Variants in SGO2 observed in about 807,000 individuals in gnomAD.
SGO2 encodes the protein shugoshin-like 2.
Under a neutral mutation model 99.5 loss-of-function variants are expected in SGO2, and 68 were observed. The observed-to-expected ratio is 0.68, with a 90% CI of 0.56 to 0.84. The LOEUF (loss-of-function observed/expected upper bound fraction) is 0.84, where lower values mean the gene tolerates loss of function less well. Ranked by LOEUF, SGO2 falls within the 40% of genes least tolerant of loss-of-function variation. The probability of loss-of-function intolerance (pLI) is 0.00; values close to 1 mark genes in which losing one functional copy is unlikely to be tolerated. For synonymous variants in SGO2, 457 were observed against 487.1 expected (o/e 0.94, Z 0.81); for missense variants, 1,350 against 1,436.7 (o/e 0.94, Z 0.97).
At chr2:200,542,463 G>T (rs1178977392) in intron 4 of SGO2, 116 bp from the exon 5 acceptor site, 3 of 647,334 alleles carry the variant, frequency 4.6e-6, no homozygotes, top group Non-Finnish European at 7.6e-6. Flanking sequence ...ATTATTAAAG[G>T]TAAATGCAAA....
At chr2:200,555,611 A>G (rs1180025509) in intron 5 of SGO2, among the ~76,000 whole-genome samples, 1 of 152,192 alleles carries the variant, frequency 6.6e-6, no homozygotes, top group Non-Finnish European at 1.5e-5. Context: ...GGAGGTAAGG[A>G]CATTTCCATA....
intron 5 of SGO2, among the ~76,000 whole-genome samples, chr2:200,545,319 ATCTTCTAC>A (rs2032163299): frequency 6.6e-6 from 1 of 152,120 alleles, no homozygotes; most frequent in South Asian, 2.1e-4. Context: ...TTCTTCGTGT[ATCTTCTAC>A]TCTGTGGCTT....
intron 5 of SGO2, among the ~76,000 whole-genome samples, chr2:200,555,705 C>T (rs576510589): frequency 8.7e-4 from 133 of 152,192 alleles, no homozygotes; most frequent in African/African-American, 3.1e-3. Context: ...ATTAGCTATC[C>T]CCAGAAGCAT....
chr2:200,559,262 T>G (rs754821825), intron 5 of SGO2, among the ~76,000 whole-genome samples: 59 of 152,214 alleles, frequency 3.9e-4, no homozygotes, highest in Non-Finnish European at 7.3e-4. Context: ...TAATGTGTTT[T>G]GGGTATGTAG....
Position 200,535,017 on chromosome 2 carries a change from T to C in SGO2, c.155T>C (p.Ile52Thr). 6.5e-7 allele frequency: 1 copy of C among 1,530,668 alleles called. No homozygotes were observed. Among genetic ancestry groups the C allele is most frequent in the Non-Finnish European group, 8.7e-7 (1 of 1,151,658 alleles). 94.8% of individuals were successfully genotyped at this position (1,530,668 alleles called of 1,614,324 possible). Reference protein sequence around the residue: ...KILNNSSIFKISLKHNNRALA... With the variant: ...KILNNSSIFKTSLKHNNRALA... Reference sequence around the variant, plus strand: ...ACAGATAATTCTTCTATTTTCAAAATATCTTTAAAGCACAACAACAGGGCA... The same window carrying C: ...ACAGATAATTCTTCTATTTTCAAAACATCTTTAAAGCACAACAACAGGGCA... The change falls in exon 3 of 9, where the codon ATA becomes ACA. Residue 52 changes from isoleucine (I) to threonine (T), a missense_variant. Physicochemically the swap from Ile to Thr is moderately conservative, Grantham distance 89 (BLOSUM62 -1). Coordinates refer to ENST00000357799, the MANE Select transcript of SGO2 (RefSeq NM_152524.6).
At chr2:200,569,406 C>T (rs1255862702) in intron 5 of SGO2, among the ~76,000 whole-genome samples, 1 of 152,018 alleles carries the variant, frequency 6.6e-6, no homozygotes, top group Non-Finnish European at 1.5e-5. Flanking sequence ...CTTCTAATAG[C>T]ACAAGAAGTA....
intron 1 of SGO2, among the ~76,000 whole-genome samples, chr2:200,530,998 G>C (rs1164427725): frequency 6.6e-6 from 1 of 152,176 alleles, no homozygotes; most frequent in Non-Finnish European, 1.5e-5. Context: ...AACAAAAGAG[G>C]GTTCTTTAAG....
chr2:200,546,063 C>T (rs1317428139), intron 5 of SGO2, among the ~76,000 whole-genome samples: 1 of 152,048 alleles, frequency 6.6e-6, no homozygotes, highest in East Asian at 1.9e-4. Context: ...CCTTTGGGAC[C>T]TCCCCCATTT....
intron 5 of SGO2, among the ~76,000 whole-genome samples, chr2:200,545,843 T>C (rs2032186922): frequency 6.6e-6 from 1 of 152,156 alleles, no homozygotes; most frequent in Non-Finnish European, 1.5e-5. Context: ...CCTTAACTGA[T>C]GGGTAGCATT....
At chr2:200,551,607 G>A (rs2032488601) in intron 5 of SGO2, among the ~76,000 whole-genome samples, 1 of 151,932 alleles carries the variant, frequency 6.6e-6, no homozygotes, top group South Asian at 2.1e-4. Flanking sequence ...AAGGTGTTCT[G>A]TTCTAAAATT....
In SGO2 at chr2:200,572,876, C is replaced by G. The variant is rs1445260956; in HGVS notation, c.2530C>G (p.Leu844Val). The G allele has an allele frequency of 6.3e-7, 1 of 1,595,196 alleles. No individual in the cohort carries two copies. Among genetic ancestry groups the G allele is most frequent in the Non-Finnish European group, 8.5e-7 (1 of 1,174,192 alleles). The change falls in exon 7 of 9, where the codon CTA (leucine) becomes GTA (valine). Residue 844 changes from leucine to valine, a missense_variant. Physicochemically the swap from Leu to Val is conservative, Grantham distance 32. Coordinates refer to ENST00000357799, the MANE Select transcript of SGO2 (RefSeq NM_152524.6). The stretch of plus-strand genomic sequence containing the variant: ...CCTAGAAAAAGATAACTTCTTCTCT[C>G]TAACCCCAAAGGATAAAGAAACAAT... ...HDLEKDNFFS[L>V]TPKDKETISE...
intron 4 of SGO2, among the ~76,000 whole-genome samples, chr2:200,537,385 G>A (rs899510527): frequency 2.6e-5 from 4 of 152,074 alleles, no homozygotes; most frequent in Non-Finnish European, 5.9e-5. Flanking sequence ...AGCTTTTTGA[G>A]AGATTTATTC....
At chr2:200,561,133 G>T (rs1195994984) in intron 5 of SGO2, among the ~76,000 whole-genome samples, 1 of 152,120 alleles carries the variant, frequency 6.6e-6, no homozygotes, top group African/African-American at 2.4e-5. Flanking sequence ...CCATGTTGGT[G>T]TGCTGCACCC....
At position 200,534,033 on chromosome 2, in the gene SGO2, A is replaced by G. The variant is rs370941074; in HGVS notation, c.133+925A>G. 1.5e-3 allele frequency among the ~76,000 whole-genome samples: 232 copies of G among 152,284 alleles called. 1 individual carries two copies. The highest frequency in any genetic ancestry group is 5.2e-3 in the African/African-American group (217 of 41,552). ...GTCAGTTTCCATTTGCTATGCCAAG[A>G]ATGGCTATCCAAAACTACTCTCTCT... On this transcript the variant is annotated intron_variant, in intron 2 of 8. Transcript: ENST00000357799.
At chr2:200,552,317 G>T (rs1442238572) in intron 5 of SGO2, among the ~76,000 whole-genome samples, 3 of 152,140 alleles carry the variant, frequency 2.0e-5, no homozygotes, top group Non-Finnish European at 2.9e-5. Context: ...TTACAGTTGT[G>T]TGTCACAGTG....
chr2:200,544,692 G>GATT (rs1553558883), intron 5 of SGO2, among the ~76,000 whole-genome samples: 1 of 145,656 alleles, frequency 6.9e-6, no homozygotes, highest in East Asian at 2.0e-4. Context: ...TTACTTGGGA[G>GATT]ATCTATCTAT....
rs746155665 is a variant in SGO2, at chr2:200,572,955, A to G, written c.2609A>G (p.Lys870Arg). 2 of 1,594,968 alleles carry G rather than the reference A, an allele frequency of 1.3e-6. No individual in the cohort carries two copies. Among genetic ancestry groups the G allele is most frequent in the South Asian group, 1.2e-5 (1 of 85,880 alleles). The change falls in exon 7 of 9, where the codon AAA becomes AGA. Residue 870 changes from lysine to arginine, a missense_variant. By Grantham distance (26) the Lys-to-Arg change is conservative. Coordinates refer to ENST00000357799, the MANE Select transcript of SGO2 (RefSeq NM_152524.6). Reference sequence around the variant, plus strand: ...TTTCAAACAGTTGATCTTCTCATCAAAGATAATGGAAATTTATGTGATTAT... The same window carrying G: ...TTTCAAACAGTTGATCTTCTCATCAGAGATAATGGAAATTTATGTGATTAT... ...NEFQTVDLLI[K>R]DNGNLCDYDT... is the part of the protein sequence containing the mutation.
Position 200,573,582 on chromosome 2 carries a change from C to A in SGO2, c.3236C>A (p.Ser1079Ter). 6.2e-7 allele frequency: 1 copy of A among 1,605,162 alleles called. No individual in the cohort carries two copies. Among genetic ancestry groups the A allele is most frequent in the South Asian group, 1.1e-5 (1 of 88,624 alleles). Residue 1079 changes from serine (S) to a stop codon, truncating the protein, a stop_gained, in exon 7 of 9, where the codon TCA (serine) becomes TAA (stop). Coordinates refer to ENST00000357799, the MANE Select transcript of SGO2 (RefSeq NM_152524.6). LOFTEE classifies it high-confidence loss of function. ...AAGGTAAATAAAATGACATCTAAGT[C>A]AAAGAAAAGGAAGACCTCCATAGAT... ...VKKVNKMTSKSKKRKTSIDPS... is the reference protein window; with the variant it reads ...VKKVNKMTSK
Position 200,533,042 on chromosome 2 carries a change from A to G in SGO2, c.67A>G (p.Lys23Glu). Residue 23 changes from lysine to glutamate, a missense_variant, in exon 2 of 9, where the codon AAA becomes GAA. Coordinates refer to ENST00000357799, the MANE Select transcript of SGO2 (RefSeq NM_152524.6). The stretch of plus-strand genomic sequence containing the variant: ...AGGAATTAAGAGACATTTGAAAGAC[A>G]AAAGAATTTCAAAGACTACTAAGTT... ...TSGIKRHLKD[K>E]RISKTTKLNV... The G allele has an allele frequency of 8.1e-6, 13 of 1,607,188 alleles. No homozygotes were observed. The highest frequency in any genetic ancestry group is 1.1e-5 in the Non-Finnish European group (13 of 1,178,072).
Sources: allele counts gnomAD v4.1 joint callset (sites outside exome capture counted in the v4.1 genomes callset), GRCh38; gene constraint gnomAD v4.1.1; transcripts MANE v1.5; gene names NCBI Gene and HGNC (gene_info 2026-07-23, HGNC 2026-07-21).